PID1: variants seen among roughly 807,000 people sequenced by gnomAD.
The protein encoded by PID1 is PTB-containing, cubilin and LRP1-interacting protein.
A neutral mutation model predicts 19.1 loss-of-function variants in PID1; 10 were observed. The observed-to-expected ratio is 0.52, with a 90% CI of 0.32 to 0.89. The LOEUF (loss-of-function observed/expected upper bound fraction) is 0.89, where lower values mean the gene tolerates loss of function less well. PID1 is among the 40% of genes least tolerant of loss of function. PID1 has a pLI of 0.03. For missense variants in PID1, 248 were observed against 285.3 expected (o/e 0.87, Z 0.94); for synonymous variants, 130 against 116.0 (o/e 1.12, Z -0.78).
At chr2:229,235,864 G>T (rs1226986) in intron 1 of PID1, among the ~76,000 whole-genome samples, 1 of 152,110 alleles carries the variant, frequency 6.6e-6, no homozygotes, top group Non-Finnish European at 1.5e-5. Context: ...CAGGCATCTC[G>T]GGACGGGGGG....
intron 1 of PID1, among the ~76,000 whole-genome samples, chr2:229,174,685 C>T (rs554357772): frequency 1.2e-4 from 18 of 146,794 alleles, no homozygotes; most frequent in Non-Finnish European, 1.9e-4. Flanking sequence ...CCCTCCCCAA[C>T]CCCAGAACCA....
chr2:229,225,587 A>C (rs1318441868), intron 1 of PID1, among the ~76,000 whole-genome samples: 1 of 151,086 alleles, frequency 6.6e-6, no homozygotes, highest in Non-Finnish European at 1.5e-5. Flanking sequence ...CCAAGGCTCT[A>C]CTGAACCCTT....
chr2:229,114,174 A>AACACACAC (rs151089843), intron 2 of PID1, among the ~76,000 whole-genome samples: 2,308 of 124,624 alleles, frequency 0.019, 32 homozygotes, highest in African/African-American at 0.044. Context: ...TCTCCACACA[A>AACACACAC]ACACACACAC....
intron 1 of PID1, among the ~76,000 whole-genome samples, chr2:229,263,211 T>C (rs984593482): frequency 2.0e-5 from 3 of 152,204 alleles, no homozygotes; most frequent in Admixed American, 6.5e-5. Flanking sequence ...TTTTCTCATA[T>C]AACTTTTGTT....
At position 229,134,231 on chromosome 2, in the gene PID1, G is replaced by GTTTTTTTTTTTTTTTTTTT. The variant is rs60513006; in HGVS notation, c.177+21568_177+21586dup. On this transcript the variant is annotated intron_variant, in intron 2 of 2. Transcript: ENST00000392055. ...TTCAATAACAATGTTTACTACCTGTGTTTTTTTTTTTTTTTTTTTTTGAGA... is the reference window on the plus strand; with the variant it reads ...TTCAATAACAATGTTTACTACCTGTGTTTTTTTTTTTTTTTTTTTTTTTTTTTTTTTTTTTTTTTTGAGA... Among the ~76,000 whole-genome samples the GTTTTTTTTTTTTTTTTTTT allele has an allele frequency of 1.0e-4, 11 of 109,200 alleles. 1 individual carries two copies. Among genetic ancestry groups the GTTTTTTTTTTTTTTTTTTT allele is most frequent in the African/African-American group, 3.9e-4 (11 of 27,868 alleles). 71.6% of individuals were successfully genotyped at this position (109,200 alleles called of 152,430 possible).
At chr2:229,080,852 C>T (rs1177988547) in intron 2 of PID1, among the ~76,000 whole-genome samples, 1 of 152,140 alleles carries the variant, frequency 6.6e-6, no homozygotes, top group East Asian at 1.9e-4. Context: ...TGCCTGATAA[C>T]AAGAACTATC....
At chr2:229,193,076 T>C (rs942958265) in intron 1 of PID1, among the ~76,000 whole-genome samples, 1 of 152,192 alleles carries the variant, frequency 6.6e-6, no homozygotes, top group Non-Finnish European at 1.5e-5. Context: ...AGCATCCTTA[T>C]TTTACTCTAT....
At chr2:229,114,112 T>A (rs1297878369) in intron 2 of PID1, among the ~76,000 whole-genome samples, 5 of 57,430 alleles carry the variant, frequency 8.7e-5, no homozygotes. Context: ...TCTCTCTCTC[T>A]TTCTCTCTCT....
At chr2:229,167,416 T>G (rs567911930) in intron 1 of PID1, among the ~76,000 whole-genome samples, 1 of 152,284 alleles carries the variant, frequency 6.6e-6, no homozygotes, top group South Asian at 2.1e-4. Context: ...CTGAGAAGGT[T>G]ACAACGCCAC....
Position 229,167,062 on chromosome 2 carries a change from AAAAGAAGAAACGAAAGAAGGGAGG to A in PID1, c.31-11122_31-11099del, listed in dbSNP as rs531695821. On this transcript the variant is annotated intron_variant, in intron 1 of 2. Transcript: ENST00000392055. Reference sequence around the variant, plus strand: ...AAGGAAGGAAAGAAAGGGAAAGAAGAAAAGAAGAAACGAAAGAAGGGAGGAAAGAAGAAACTCATCCTTACAGTA... The same window carrying A: ...AAGGAAGGAAAGAAAGGGAAAGAAGAAAAGAAGAAACTCATCCTTACAGTA... Among the ~76,000 whole-genome samples, 282 of 152,072 alleles carry A rather than the reference AAAAGAAGAAACGAAAGAAGGGAGG, an allele frequency of 1.9e-3. 1 individual carries two copies. Among genetic ancestry groups the A allele is most frequent in the East Asian group, 5.8e-3 (30 of 5,162 alleles).
intron 1 of PID1, among the ~76,000 whole-genome samples, chr2:229,219,131 C>G (rs553401537): frequency 8.5e-5 from 13 of 152,236 alleles, no homozygotes; most frequent in African/African-American, 3.1e-4. Flanking sequence ...AGTTCAGGCC[C>G]TTTTAATTAA....
At chr2:229,028,496 A>C (rs1574565930) in intron 2 of PID1, among the ~76,000 whole-genome samples, 1 of 152,366 alleles carries the variant, frequency 6.6e-6, no homozygotes, top group East Asian at 1.9e-4. Context: ...AAGGCAGCCC[A>C]TCCAATGGGA....
intron 1 of PID1, among the ~76,000 whole-genome samples, chr2:229,245,482 T>C (rs1689978124): frequency 6.6e-6 from 1 of 152,114 alleles, no homozygotes; most frequent in South Asian, 2.1e-4. Context: ...ATGCTACTTG[T>C]TTTAATCAGA....
intron 1 of PID1, among the ~76,000 whole-genome samples, chr2:229,237,486 T>C (rs1045726238): frequency 1.3e-5 from 2 of 152,182 alleles, no homozygotes; most frequent in African/African-American, 2.4e-5. Flanking sequence ...GAGATAGCAA[T>C]TGTTTGCACA....
At position 229,155,851 on chromosome 2, in the gene PID1, C is replaced by T. The variant is rs770518008; in HGVS notation, c.144G>A (p.Pro48=). ...CACTGTGAGTCCTTGTCTTCATCAGCGGTGTGGTCGTGCACAGCTCAATGG... is the reference window on the plus strand; with the variant it reads ...CACTGTGAGTCCTTGTCTTCATCAGTGGTGTGGTCGTGCACAGCTCAATGG... ...PEAIELCTTT[P]LMKTRTHSGC... is the part of the protein sequence containing the mutation. The change falls in exon 2 of 3, where the codon CCG becomes CCA. Residue 48 remains proline, a synonymous_variant. Transcript: ENST00000392055. 16 of 1,613,452 alleles carry T rather than the reference C, an allele frequency of 9.9e-6. No individual in the cohort carries two copies. The highest frequency in any genetic ancestry group is 1.8e-4 in the Middle Eastern group (1 of 5,714).
At chr2:229,253,294 T>C (rs1288711027) in intron 1 of PID1, among the ~76,000 whole-genome samples, 1 of 152,212 alleles carries the variant, frequency 6.6e-6, no homozygotes, top group Non-Finnish European at 1.5e-5. Flanking sequence ...TGTACCAAAA[T>C]TACTTTATTT....
intron 2 of PID1, among the ~76,000 whole-genome samples, chr2:229,121,636 C>A: frequency 6.6e-6 from 1 of 152,180 alleles, no homozygotes; most frequent in Non-Finnish European, 1.5e-5. Flanking sequence ...GGAAAATGGG[C>A]TTATTCATTT....
At chr2:229,087,259 A>G (rs1694787125) in intron 2 of PID1, among the ~76,000 whole-genome samples, 1 of 152,156 alleles carries the variant, frequency 6.6e-6, no homozygotes, top group Non-Finnish European at 1.5e-5. Context: ...ACATTTTTCA[A>G]ATCAGGTGCT....
rs1273797497 is a variant in PID1, at chr2:229,123,653, G to C, written c.177+32165C>G. Among the ~76,000 whole-genome samples, 6 of 152,124 alleles carry C rather than the reference G, an allele frequency of 3.9e-5. No individual in the cohort carries two copies. The East Asian group carries it at 1.2e-3, about 29-fold the overall frequency. On this transcript the variant is annotated intron_variant, in intron 2 of 2. Coordinates refer to ENST00000392055, the MANE Select transcript of PID1 (RefSeq NM_001100818.2). Reference sequence around the variant, plus strand: ...ACCTTCCCACCAGCAGTGTTTGGGGGTTTCACTTTCTACACATCCTCACCA... The same window carrying C: ...ACCTTCCCACCAGCAGTGTTTGGGGCTTTCACTTTCTACACATCCTCACCA...
Sources: allele counts gnomAD v4.1 joint callset (sites outside exome capture counted in the v4.1 genomes callset), GRCh38; gene constraint gnomAD v4.1.1; transcripts MANE v1.5; gene names NCBI Gene and HGNC (gene_info 2026-07-23, HGNC 2026-07-21).